The following TMEM53 variants were observed in gnomAD, a reference collection of about 807,000 sequenced individuals.
TMEM53 encodes the protein novel DUF829 domain-containing protein.
A neutral mutation model predicts 21.4 loss-of-function variants in TMEM53; 14 were observed. The ratio of observed to expected loss-of-function variants is 0.65; its 90% confidence interval spans 0.43 to 1.02. The LOEUF is 1.02. TMEM53 is among the 50% of genes least tolerant of loss of function. The pLI, the probability that TMEM53 is intolerant of heterozygous loss-of-function variation, is 0.00. For synonymous variants in TMEM53, 148 were observed against 157.4 expected (o/e 0.94, Z 0.45); for missense variants, 323 against 383.6 (o/e 0.84, Z 1.32).
chr1:44,655,159 G>T lies in TMEM53; in HGVS notation c.234C>A (p.Ser78=), dbSNP rs11545908. 6.2e-7 allele frequency: 1 copy of T among 1,613,570 alleles called. No individual in the cohort carries two copies. The highest frequency in any genetic ancestry group is 1.3e-5 in the African/African-American group (1 of 74,916). The change falls in exon 3 of 3, where the codon TCC becomes TCA. Residue 78 remains serine, a synonymous_variant. Coordinates refer to ENST00000372237, the MANE Select transcript of TMEM53 (RefSeq NM_024587.4). This position sits in a 1 kb window ranked among gnomAD's most constrained non-coding sequence, Gnocchi z 4.4. ...GAAGTGAAGGGATACCCAGTGACTC[G>T]GAGAAGAAGACCATGTGCCACGGGG... The part of the protein sequence containing the change: ...YTAPWHMVFF[S]ESLGIPSLRV...
chr1:44,657,858 T>TA (rs1644863529), intron 2 of TMEM53, among the ~76,000 whole-genome samples: 1 of 151,470 alleles, frequency 6.6e-6, no homozygotes, highest in Non-Finnish European at 1.5e-5. Flanking sequence ...TTTTAAATAA[T>TA]AAAATATTAG....
Position 44,674,348 on chromosome 1 carries a change from T to G in TMEM53, c.44A>C (p.Gln15Pro). The change falls in exon 1 of 3, where the codon CAG becomes CCG. Residue 15 changes from glutamine (Q) to proline (P), a missense_variant. Gln to Pro is a moderately conservative substitution (Grantham distance 76). Coordinates refer to ENST00000372237, the MANE Select transcript of TMEM53 (RefSeq NM_024587.4). The stretch of plus-strand genomic sequence containing the variant: ...TTCCATACTCTGGCTCCAGCAGGGC[T>G]GATCCGGGATCTCGATGGTGTAGTC... ...ELDYTIEIPD[Q>P]PCWSQKNSPS... 1 of 1,612,928 alleles carries G rather than the reference T, an allele frequency of 6.2e-7. No individual in the cohort carries two copies. The highest frequency in any genetic ancestry group is 8.5e-7 in the Non-Finnish European group (1 of 1,179,380).
At chr1:44,660,756 G>A (rs192542917) in intron 1 of TMEM53, among the ~76,000 whole-genome samples, 6 of 151,972 alleles carry the variant, frequency 3.9e-5, no homozygotes, top group South Asian at 2.1e-4. Flanking sequence ...AGGCCGAGGC[G>A]GACGGATCGT....
At chr1:44,660,135 C>T (rs1184787964) in intron 2 of TMEM53, 39 bp downstream of exon 2, 8 of 1,599,874 alleles carry the variant, frequency 5.0e-6, no homozygotes, top group Non-Finnish European at 6.8e-6. Flanking sequence ...GTGGTCAGCC[C>T]TCACGGCAGC....
intron 1 of TMEM53, chr1:44,673,834 T>C: frequency 1.5e-5 from 15 of 985,010 alleles, no homozygotes; most frequent in Non-Finnish European, 1.8e-5. Flanking sequence ...CGGCAGAGAC[T>C]GCACTGTTAA....
intron 1 of TMEM53, among the ~76,000 whole-genome samples, chr1:44,669,388 ACCCCTTTCTT>A (rs1401280097): frequency 6.6e-6 from 1 of 152,082 alleles, no homozygotes; most frequent in African/African-American, 2.4e-5. Flanking sequence ...TTTAATGGAC[ACCCCTTTCTT>A]TGTGCATGTC....
At chr1:44,663,767 C>T (rs757118409) in intron 1 of TMEM53, among the ~76,000 whole-genome samples, 14 of 152,322 alleles carry the variant, frequency 9.2e-5, no homozygotes, top group Non-Finnish European at 2.1e-4. Flanking sequence ...GAACCCTGTA[C>T]AAGCAATCAA....
intron 1 of TMEM53, among the ~76,000 whole-genome samples, chr1:44,668,832 T>C (rs1167924900): frequency 6.6e-6 from 1 of 152,212 alleles, no homozygotes; most frequent in Non-Finnish European, 1.5e-5. Flanking sequence ...CGTGAGCCAC[T>C]GTACCCGGCC....
chr1:44,664,487 G>A (rs1369883627), intron 1 of TMEM53, among the ~76,000 whole-genome samples: 1 of 151,664 alleles, frequency 6.6e-6, no homozygotes, highest in Non-Finnish European at 1.5e-5. Flanking sequence ...ACTCTTATGA[G>A]CAAGAATTCT....
intron 1 of TMEM53, among the ~76,000 whole-genome samples, chr1:44,670,209 G>T (rs963858835): frequency 2.2e-5 from 3 of 138,068 alleles, no homozygotes; most frequent in Non-Finnish European, 4.6e-5. Flanking sequence ...TCGTAGACAA[G>T]ACAAGGATCA....
intron 1 of TMEM53, among the ~76,000 whole-genome samples, chr1:44,661,218 C>T (rs138582163): frequency 2.1e-4 from 32 of 152,156 alleles, no homozygotes; most frequent in Non-Finnish European, 4.3e-4. Context: ...GTTCTAATTC[C>T]ATGAGCAGAT....
chr1:44,674,198 A>G, intron 1 of TMEM53, 133 bp downstream of exon 1: 1 of 1,397,046 alleles, frequency 7.2e-7, no homozygotes, highest in Non-Finnish European at 9.3e-7. Context: ...TAAGTCTAGG[A>G]CCTGCCAGAC....
intron 1 of TMEM53, among the ~76,000 whole-genome samples, chr1:44,673,069 C>G (rs1645024657): frequency 6.6e-6 from 1 of 152,228 alleles, no homozygotes; most frequent in African/African-American, 2.4e-5. Context: ...CAGCCGAAGA[C>G]TCTCCAAAGG....
At chr1:44,664,896 C>T (rs535276526) in intron 1 of TMEM53, among the ~76,000 whole-genome samples, 2 of 152,278 alleles carry the variant, frequency 1.3e-5, no homozygotes, top group East Asian at 3.9e-4. Flanking sequence ...AGCAGCAGAG[C>T]CAGCGCCCAC....
At chr1:44,674,067 C>T (rs1169880018) in intron 1 of TMEM53, 1 of 985,316 alleles carries the variant, frequency 1.0e-6, no homozygotes, top group African/African-American at 1.7e-5. Flanking sequence ...CTGAGCACCC[C>T]GGACAGGAAA....
intron 2 of TMEM53, among the ~76,000 whole-genome samples, chr1:44,657,181 G>C (rs956453496): frequency 1.3e-4 from 20 of 152,178 alleles, no homozygotes; most frequent in African/African-American, 4.8e-4. Context: ...GTGACAGAGT[G>C]AGACCTTGAA....
At chr1:44,664,392 C>T (rs1024727181) in intron 1 of TMEM53, among the ~76,000 whole-genome samples, 2 of 149,502 alleles carry the variant, frequency 1.3e-5, no homozygotes, top group African/African-American at 2.5e-5. Flanking sequence ...GGGGAGGTTG[C>T]GGTGAGCCGA....
intron 2 of TMEM53, among the ~76,000 whole-genome samples, chr1:44,657,378 G>A (rs747052640): frequency 3.3e-5 from 5 of 152,150 alleles, no homozygotes; most frequent in Non-Finnish European, 4.4e-5. Flanking sequence ...CAAACAAGAA[G>A]GTGGAGATCA....
intron 1 of TMEM53, among the ~76,000 whole-genome samples, chr1:44,662,912 C>T (rs1245662938): frequency 1.3e-5 from 2 of 152,188 alleles, no homozygotes; most frequent in Non-Finnish European, 2.9e-5. Context: ...TTTGTAACTC[C>T]GTTTTGCTGG....
Sources: gnomAD v4.1 joint callset for allele counts (sites outside exome capture counted in the v4.1 genomes callset) on GRCh38, gnomAD v4.1.1 for gene constraint, Gnocchi (gnomAD v3.1) non-coding constraint, MANE v1.5 for transcripts, NCBI Gene and HGNC (gene_info 2026-07-23, HGNC 2026-07-21) for gene names.